Variants in CFHR5 observed in about 807,000 individuals in gnomAD.
CFHR5 encodes the protein complement factor H related 5, also known as complement factor H-related protein 5.
A neutral mutation model predicts 62.9 loss-of-function variants in CFHR5; 73 were observed. The ratio of observed to expected loss-of-function variants is 1.16; its 90% confidence interval spans 0.96 to 1.41. The LOEUF (loss-of-function observed/expected upper bound fraction) is 1.41, where lower values mean the gene tolerates loss of function less well. Among genes scored for constraint, CFHR5 ranks in the 40% most tolerant of loss-of-function variants. The probability of loss-of-function intolerance (pLI) is 0.00; values close to 1 mark genes in which losing one functional copy is unlikely to be tolerated. For missense variants in CFHR5, 779 were observed against 679.9 expected (o/e 1.15, Z -1.62); for synonymous variants, 249 against 227.2 (o/e 1.10, Z -0.86).
At chr1:196,988,501 T>C (rs1409177825) in intron 3 of CFHR5, among the ~76,000 whole-genome samples, 2 of 152,146 alleles carry the variant, frequency 1.3e-5, no homozygotes, top group African/African-American at 2.4e-5. Flanking sequence ...ATATTGGCTG[T>C]GGGTTTGTCA....
intron 3 of CFHR5, among the ~76,000 whole-genome samples, chr1:196,990,361 C>T (rs143251551): frequency 0.013 from 2,052 of 152,130 alleles, 43 homozygotes; most frequent in African/African-American, 0.045. Flanking sequence ...GAGCACTTAG[C>T]CCATTTACAT....
intron 3 of CFHR5, among the ~76,000 whole-genome samples, chr1:196,993,076 A>T (rs918312098): frequency 1.3e-5 from 2 of 152,156 alleles, no homozygotes; most frequent in African/African-American, 2.4e-5. Context: ...ATTCATATAC[A>T]TATCTATTTC....
rs1467752644 is a variant in CFHR5, at chr1:197,002,462, T to G, written c.1148-20T>G. The G allele has an allele frequency of 1.9e-6, 3 of 1,596,244 alleles. No individual in the cohort carries two copies. Among genetic ancestry groups the G allele is most frequent in the Non-Finnish European group, 2.6e-6 (3 of 1,165,324 alleles). On this transcript the variant is annotated intron_variant, in intron 7 of 9. Coordinates refer to ENST00000256785, the MANE Select transcript of CFHR5 (RefSeq NM_030787.4). ...ACTTAACTTTTATTAATCATATAATTTAATTCCAATATTTTGTAGAAAAAA... is the reference window on the plus strand; with the variant it reads ...ACTTAACTTTTATTAATCATATAATGTAATTCCAATATTTTGTAGAAAAAA...
intron 7 of CFHR5, among the ~76,000 whole-genome samples, chr1:197,001,830 A>G (rs541373373): frequency 1.3e-5 from 2 of 151,844 alleles, no homozygotes; most frequent in Non-Finnish European, 2.9e-5. Flanking sequence ...CTGGAAAAAC[A>G]TGAGATGAAG....
At chr1:196,988,404 A>AATTTATTAAAGATC (rs1653753042) in intron 3 of CFHR5, among the ~76,000 whole-genome samples, 1 of 152,104 alleles carries the variant, frequency 6.6e-6, no homozygotes, top group Non-Finnish European at 1.5e-5. Flanking sequence ...TTCCAACACT[A>AATTTATTAAAGATC]TGTTGAATAG....
intron 9 of CFHR5, among the ~76,000 whole-genome samples, chr1:197,005,370 C>T (rs532376684): frequency 6.6e-6 from 1 of 152,240 alleles, no homozygotes; most frequent in African/African-American, 2.4e-5. Context: ...TAAATCTTCA[C>T]TATCCCTTCT....
At chr1:197,006,430 G>A (rs1160702875) in intron 9 of CFHR5, among the ~76,000 whole-genome samples, 1 of 152,074 alleles carries the variant, frequency 6.6e-6, no homozygotes, top group Non-Finnish European at 1.5e-5. Context: ...ATTTTTTCCA[G>A]CCAGGCATGG....
At position 196,985,159 on chromosome 1, in the gene CFHR5, T is replaced by C. The variant is rs182726254; in HGVS notation, c.430+1022T>C. On this transcript the variant is annotated intron_variant, in intron 3 of 9. Transcript: ENST00000256785. The stretch of plus-strand genomic sequence containing the variant: ...AATCTGTGGTAGGTTTTTCAAAAGA[T>C]GTTATGTTATCAAATATTATTCCAC... Among the ~76,000 whole-genome samples, 794 of 152,294 alleles carry C rather than the reference T, an allele frequency of 5.2e-3. 10 individuals carry two copies. The highest frequency in any genetic ancestry group is 4.9e-3 in the Non-Finnish European group (332 of 68,036).
At chr1:196,982,756 AGCATTTAAGCTAAAG>A (rs1461611789) in intron 1 of CFHR5, 114 bp from the exon 2 acceptor site, 1 of 778,282 alleles carries the variant, frequency 1.3e-6, no homozygotes, top group African/African-American at 1.7e-5. Flanking sequence ...TACACTGGAA[AGCATTTAAGCTAAAG>A]GCATTTAAGC....
intron 3 of CFHR5, among the ~76,000 whole-genome samples, chr1:196,989,651 G>T (rs143598252): frequency 0.013 from 2,053 of 152,114 alleles, 44 homozygotes; most frequent in African/African-American, 0.045. Context: ...CAGGAGCAGG[G>T]TGTTCAGTTT....
chr1:197,008,742 A>G lies in CFHR5; in HGVS notation c.*59A>G, dbSNP rs545416040. ...ACATCCATCTATGCTAAAAGTAGCC[A>G]TTATGTAGCCAATTCTGTAGTTACT... On this transcript the variant is annotated 3_prime_UTR_variant, in exon 10 of 10. Transcript: ENST00000256785. 3.3e-4 allele frequency: 444 copies of G among 1,355,536 alleles called. 5 individuals are homozygous for G. In the South Asian group the frequency reaches 4.9e-3, roughly 15 times the overall value. 84.0% of individuals were successfully genotyped at this position (1,355,536 alleles called of 1,614,324 possible).
chr1:196,999,699 A>G (rs370557227), intron 7 of CFHR5, among the ~76,000 whole-genome samples: 548 of 43,110 alleles, frequency 0.013, 14 homozygotes, highest in Middle Eastern at 0.074. Context: ...ATATATATAT[A>G]TATATATATA....
chr1:196,995,593 C>T (rs1167728873), intron 4 of CFHR5, 124 bp from the exon 5 acceptor site: 5 of 782,844 alleles, frequency 6.4e-6, no homozygotes, highest in Non-Finnish European at 1.1e-5. Context: ...GCAAAAAACA[C>T]ATGTCCCCAA....
At chr1:197,003,198 G>C (rs1012956113) in intron 8 of CFHR5, among the ~76,000 whole-genome samples, 1 of 152,166 alleles carries the variant, frequency 6.6e-6, no homozygotes, top group Non-Finnish European at 1.5e-5. Flanking sequence ...GTTCACAATA[G>C]GGTTCAAGAT....
intron 1 of CFHR5, among the ~76,000 whole-genome samples, chr1:196,980,295 A>C (rs1242043884): frequency 1.3e-5 from 2 of 152,224 alleles, no homozygotes; most frequent in African/African-American, 4.8e-5. Context: ...GATAACAACT[A>C]TAGTACATTA....
At chr1:196,996,873 T>A (rs1023372842) in intron 6 of CFHR5, among the ~76,000 whole-genome samples, 2 of 147,972 alleles carry the variant, frequency 1.4e-5, no homozygotes, top group African/African-American at 5.3e-5. Context: ...AAGTAGTAAG[T>A]AAGTAGTAAG....
intron 1 of CFHR5, among the ~76,000 whole-genome samples, chr1:196,981,507 AAT>A (rs368703013): frequency 6.6e-6 from 1 of 151,610 alleles, no homozygotes; most frequent in Non-Finnish European, 1.5e-5. Flanking sequence ...TGTATATATA[AAT>A]ATATATATAC....
intron 7 of CFHR5, among the ~76,000 whole-genome samples, chr1:197,002,275 A>C (rs1204392049): frequency 6.6e-6 from 1 of 152,158 alleles, no homozygotes; most frequent in African/African-American, 2.4e-5. Context: ...TATAACAAAA[A>C]GAATCGCTTT....
At position 196,977,800 on chromosome 1, in the gene CFHR5, TA is replaced by T. The variant is rs1273970737; in HGVS notation, c.58+79del. On this transcript the variant is annotated intron_variant, in intron 1 of 9. Coordinates refer to ENST00000256785, the MANE Select transcript of CFHR5 (RefSeq NM_030787.4). ...GATTGTGTGTGTGTATGCATACAAA[TA>T]TTTTTAAATGAATAAATAGCTGAGG... The T allele has an allele frequency of 3.0e-6, 3 of 1,001,532 alleles. No homozygotes were observed. The East Asian group carries it at 7.1e-5, about 24-fold the overall frequency. The allele number at this position is 1,001,532 out of a possible 1,614,324, so 62.0% of individuals were successfully genotyped here.
Sources: gnomAD v4.1 joint callset for allele counts (sites outside exome capture counted in the v4.1 genomes callset) on GRCh38, gnomAD v4.1.1 for gene constraint, MANE v1.5 for transcripts, NCBI Gene and HGNC (gene_info 2026-07-23, HGNC 2026-07-21) for gene names.